The following AK9 variants were observed in gnomAD, a reference collection of about 807,000 sequenced individuals.
The protein encoded by AK9 is adenylate kinase 9.
In AK9, 191 loss-of-function variants were observed where a neutral mutation model predicts 239.6. The ratio of observed to expected loss-of-function variants is 0.80; its 90% CI spans 0.71 to 0.90. The LOEUF is 0.90. Among genes scored for constraint, AK9 ranks in the 40% least tolerant of loss-of-function variants. AK9 has a pLI of 0.00. For missense variants in AK9, 1,995 were observed against 2,214.7 expected (o/e 0.90, Z 1.99); for synonymous variants, 689 against 721.0 (o/e 0.96, Z 0.71).
At chr6:109,666,645 T>C (rs552059631) in intron 5 of AK9, among the ~76,000 whole-genome samples, 1 of 152,342 alleles carries the variant, frequency 6.6e-6, no homozygotes, top group Admixed American at 6.5e-5. Context: ...TTTGCCACCA[T>C]TTCTTGGCAC....
chr6:109,681,363 T>C (rs963643385), intron 1 of AK9, among the ~76,000 whole-genome samples: 2 of 151,914 alleles, frequency 1.3e-5, no homozygotes, highest in South Asian at 4.2e-4. Flanking sequence ...CATTACACAG[T>C]GGTAAAGGGA....
At chr6:109,532,526 TCTGTCA>T (rs1187190353) in intron 28 of AK9, among the ~76,000 whole-genome samples, 3 of 152,206 alleles carry the variant, frequency 2.0e-5, no homozygotes, top group African/African-American at 7.2e-5. Context: ...TTGCCTGGCT[TCTGTCA>T]CTCAGCACAA....
At chr6:109,674,139 T>A (rs1771348158) in intron 3 of AK9, 59 bp downstream of exon 3, 2 of 1,380,458 alleles carry the variant, frequency 1.4e-6, no homozygotes, top group Non-Finnish European at 9.8e-7. Context: ...ATTATCTCCA[T>A]TTTATGAATA....
intron 21 of AK9, among the ~76,000 whole-genome samples, chr6:109,569,060 T>C (rs1025213833): frequency 1.3e-5 from 2 of 152,158 alleles, no homozygotes; most frequent in Admixed American, 6.5e-5. Context: ...CAAAACAGTA[T>C]GGTACTGGTA....
Position 109,648,688 on chromosome 6 carries a change from C to T in AK9, c.760-4000G>A, listed in dbSNP as rs12111322. ...CAAAGAGGAGCTGGTACCATTCCTT[C>T]TGAAACTATTCCAATCAATAGAAAA... On this transcript the variant is annotated intron_variant, in intron 8 of 40. Coordinates refer to ENST00000424296, the MANE Select transcript of AK9 (RefSeq NM_001145128.3). Among the ~76,000 whole-genome samples, 827 of 152,268 alleles carry T rather than the reference C, an allele frequency of 5.4e-3. 9 individuals carry two copies. Among genetic ancestry groups the T allele is most frequent in the African/African-American group, 0.019 (799 of 41,544 alleles).
Position 109,542,099 on chromosome 6 carries a change from G to C in AK9, c.3298C>G (p.Pro1100Ala). The C allele has an allele frequency of 6.2e-7, 1 of 1,608,890 alleles. No individual in the cohort carries two copies. Among genetic ancestry groups the C allele is most frequent in the Non-Finnish European group, 8.5e-7 (1 of 1,176,310 alleles). ...SSLMENEPLP[P>A]EILEVILSEW... is the part of the protein sequence containing the mutation. ...GAAAGAATTACTTCAAGAATTTCAG[G>C]AGGCAAGGGCTCATTTTCCATTAGA... The change falls in exon 27 of 41, where the codon CCT becomes GCT. Residue 1100 changes from proline to alanine, a missense_variant. Coordinates refer to ENST00000424296, the MANE Select transcript of AK9 (RefSeq NM_001145128.3).
chr6:109,566,570 A>G lies in AK9; in HGVS notation c.2345-1725T>C, dbSNP rs1353201510. On this transcript the variant is annotated intron_variant, in intron 21 of 40. Transcript: ENST00000424296. ...TAAAGGCAGAAATACAGGAAGGGTA[A>G]CTGAAATAAGAAAACAATGCAAGGA... is the stretch of plus-strand genomic sequence containing the variant. Among the ~76,000 whole-genome samples the G allele has an allele frequency of 2.0e-5, 3 of 152,200 alleles. No individual in the cohort carries two copies. The East Asian group carries it at 5.8e-4, about 29-fold the overall frequency.
chr6:109,594,181 A>C (rs577249091), intron 17 of AK9, among the ~76,000 whole-genome samples: 14 of 152,320 alleles, frequency 9.2e-5, no homozygotes, highest in African/African-American at 3.4e-4. Context: ...CAGTATACAA[A>C]ATCAGTGTGC....
chr6:109,551,996 A>G (rs1188554914), intron 24 of AK9, among the ~76,000 whole-genome samples: 1 of 152,022 alleles, frequency 6.6e-6, no homozygotes, highest in East Asian at 1.9e-4. Context: ...TTCCTGTGTT[A>G]CTTTGCTGAG....
intron 6 of AK9, among the ~76,000 whole-genome samples, chr6:109,661,461 G>A (rs1800401295): frequency 6.6e-6 from 1 of 152,164 alleles, no homozygotes; most frequent in Non-Finnish European, 1.5e-5. Flanking sequence ...CTTCTGGCCT[G>A]CACAACTGTG....
At chr6:109,636,277 A>C (rs1796699203) in intron 10 of AK9, among the ~76,000 whole-genome samples, 2 of 152,128 alleles carry the variant, frequency 1.3e-5, no homozygotes, top group South Asian at 4.1e-4. Flanking sequence ...AGGGAGCTGG[A>C]GTCTACAGTA....
At chr6:109,562,180 G>A (rs552132462) in intron 24 of AK9, among the ~76,000 whole-genome samples, 1 of 152,138 alleles carries the variant, frequency 6.6e-6, no homozygotes. Flanking sequence ...GCTTGAAGTT[G>A]TCCCACAGAT....
chr6:109,644,617 A>G lies in AK9; in HGVS notation c.831T>C (p.Phe277=). The change falls in exon 9 of 41, where the codon TTT becomes TTC. Residue 277 remains phenylalanine (F), a synonymous_variant. Coordinates refer to ENST00000424296, the MANE Select transcript of AK9 (RefSeq NM_001145128.3). The part of the protein sequence containing the change: ...LNGNKPAEEL[F]MIVMDRLKYL... Reference sequence around the variant, plus strand: ...TCCTGCTTAACACTGCACTCACCATAAAGAGCTCCTCTGCTGGTTTATTTC... The same window carrying G: ...TCCTGCTTAACACTGCACTCACCATGAAGAGCTCCTCTGCTGGTTTATTTC... The G allele has an allele frequency of 6.2e-7, 1 of 1,611,716 alleles. No individual in the cohort carries two copies. The highest frequency in any genetic ancestry group is 8.5e-7 in the Non-Finnish European group (1 of 1,179,110).
chr6:109,678,912 G>C (rs897184885), intron 1 of AK9, among the ~76,000 whole-genome samples: 1 of 152,174 alleles, frequency 6.6e-6, no homozygotes, highest in African/African-American at 2.4e-5. Context: ...CATGAGGAAC[G>C]GTGCACTCTG....
At chr6:109,528,244 G>A (rs1582849618) in intron 29 of AK9, 2 of 338,276 alleles carry the variant, frequency 5.9e-6, no homozygotes, top group East Asian at 7.9e-5. Context: ...CTTAATTCCA[G>A]GTTAGGACAT....
At chr6:109,597,656 G>C (rs1261053875) in intron 17 of AK9, among the ~76,000 whole-genome samples, 1 of 148,264 alleles carries the variant, frequency 6.7e-6, no homozygotes, top group Non-Finnish European at 1.5e-5. Flanking sequence ...CTGGGGGACA[G>C]AGAGAGACAC....
chr6:109,653,620 T>C (rs570458490), intron 8 of AK9, among the ~76,000 whole-genome samples: 1 of 152,238 alleles, frequency 6.6e-6, no homozygotes, highest in Non-Finnish European at 1.5e-5. Flanking sequence ...ATAAAATATT[T>C]TTATAATCAA....
At chr6:109,670,784 T>A (rs1770749357) in intron 5 of AK9, among the ~76,000 whole-genome samples, 1 of 152,200 alleles carries the variant, frequency 6.6e-6, no homozygotes, top group Admixed American at 6.5e-5. Context: ...TTTGGAATTC[T>A]GTGATTCCTG....
chr6:109,544,371 C>A (rs958777636), intron 26 of AK9, among the ~76,000 whole-genome samples: 1 of 152,126 alleles, frequency 6.6e-6, no homozygotes, highest in Non-Finnish European at 1.5e-5. Context: ...GCCCAAATCT[C>A]ATGTGGAATT....
Sources: gnomAD v4.1 joint callset for allele counts (sites outside exome capture counted in the v4.1 genomes callset) on GRCh38, gnomAD v4.1.1 for gene constraint, MANE v1.5 for transcripts, NCBI Gene and HGNC (gene_info 2026-07-23, HGNC 2026-07-21) for gene names.